Variants in ATP8A1 observed in about 807,000 individuals in gnomAD.
The protein encoded by ATP8A1 is phospholipid-transporting ATPase IA.
In ATP8A1, 90 loss-of-function variants were observed where a neutral mutation model predicts 177.7. The observed-to-expected ratio is 0.51, with a 90% confidence interval of 0.43 to 0.60. The LOEUF (loss-of-function observed/expected upper bound fraction) is 0.60, where lower values mean the gene tolerates loss of function less well. Among genes scored for constraint, ATP8A1 ranks in the 20% least tolerant of loss-of-function variants. The pLI is 0.00. For missense variants in ATP8A1, 1,072 were observed against 1,392.8 expected, an observed-to-expected ratio of 0.77 and a Z score of 3.67; for synonymous variants, 493 against 485.9, an observed-to-expected ratio of 1.01 and a Z score of -0.19.
At chr4:42,555,266 T>C (rs1274977042) in intron 16 of ATP8A1, among the ~76,000 whole-genome samples, 1 of 151,552 alleles carries the variant, frequency 6.6e-6, no homozygotes, top group Admixed American at 6.6e-5. Context: ...GATTTTCACA[T>C]TGGGTGGCAG....
At chr4:42,433,270 C>T (rs1487332909) in intron 33 of ATP8A1, among the ~76,000 whole-genome samples, 2 of 126,934 alleles carry the variant, frequency 1.6e-5, no homozygotes, top group Non-Finnish European at 3.4e-5. Context: ...ACAGCTTGGG[C>T]GTCCAGCGCT....
intron 24 of ATP8A1, among the ~76,000 whole-genome samples, chr4:42,493,559 C>T (rs566401878): frequency 9.5e-4 from 145 of 152,186 alleles, no homozygotes; most frequent in Non-Finnish European, 1.7e-3. Flanking sequence ...ATAAACTCTT[C>T]GCCAGAGTTA....
chr4:42,444,745 G>T, intron 31 of ATP8A1, 111 bp from the exon 32 acceptor site: 1 of 1,094,950 alleles, frequency 9.1e-7, no homozygotes, highest in Non-Finnish European at 1.3e-6. Context: ...GGGACTAGGA[G>T]ACTGCTGCTT....
chr4:42,540,637 G>A (rs544614249), intron 20 of ATP8A1, among the ~76,000 whole-genome samples: 1 of 151,888 alleles, frequency 6.6e-6, no homozygotes, highest in African/African-American at 2.4e-5. Flanking sequence ...TTGCAGCATC[G>A]TAGATGAAAC....
intron 4 of ATP8A1, among the ~76,000 whole-genome samples, chr4:42,622,627 A>C (rs892408617): frequency 7.2e-5 from 11 of 152,222 alleles, no homozygotes; most frequent in African/African-American, 2.4e-4. Context: ...AATGGGGGAA[A>C]ACACTTGCAA....
At chr4:42,640,419 G>A (rs1431279969) in intron 1 of ATP8A1, among the ~76,000 whole-genome samples, 2 of 152,206 alleles carry the variant, frequency 1.3e-5, no homozygotes, top group Non-Finnish European at 2.9e-5. Context: ...TGGCCAATGA[G>A]TTTGAGGCCA....
At chr4:42,491,108 CAT>C (rs1455230504) in intron 24 of ATP8A1, among the ~76,000 whole-genome samples, 1 of 151,806 alleles carries the variant, frequency 6.6e-6, no homozygotes, top group Non-Finnish European at 1.5e-5. Context: ...GTGCTTATCT[CAT>C]AGAGAAAATG....
At chr4:42,509,833 C>A (rs1414893479) in intron 22 of ATP8A1, among the ~76,000 whole-genome samples, 2 of 109,128 alleles carry the variant, frequency 1.8e-5, no homozygotes, top group Non-Finnish European at 1.7e-5. Flanking sequence ...GCCTGGGCAA[C>A]AGAGCGAGAC....
intron 1 of ATP8A1, among the ~76,000 whole-genome samples, chr4:42,651,110 G>T (rs1204861912): frequency 6.6e-6 from 1 of 152,138 alleles, no homozygotes; most frequent in African/African-American, 2.4e-5. Flanking sequence ...AGCTCTCTCT[G>T]CCTGCTGCCA....
At chr4:42,450,795 G>A (rs939203527) in intron 30 of ATP8A1, among the ~76,000 whole-genome samples, 4 of 152,208 alleles carry the variant, frequency 2.6e-5, no homozygotes, top group Admixed American at 1.3e-4. Context: ...TGAATGCAAC[G>A]AAACTACTAA....
rs189818157 is a variant in ATP8A1, at chr4:42,600,899, C to G, written c.410-381G>C. On this transcript the variant is annotated intron_variant, in intron 5 of 36. Transcript: ENST00000381668. ...AATGTTTAAAAAGAAAAATCACAAG[C>G]ACAGAATAATAGATTTCTAATAGTT... Among the ~76,000 whole-genome samples the G allele has an allele frequency of 2.6e-5, 4 of 152,128 alleles. No homozygotes were observed. In the East Asian group the frequency reaches 7.7e-4, roughly 29 times the overall value.
At chr4:42,447,170 A>AAACGTGG (rs1255216000) in intron 30 of ATP8A1, among the ~76,000 whole-genome samples, 1 of 152,168 alleles carries the variant, frequency 6.6e-6, no homozygotes, top group Non-Finnish European at 1.5e-5. Context: ...AATGACTAAC[A>AAACGTGG]AACGTGGCTT....
At chr4:42,648,682 A>C (rs1458202645) in intron 1 of ATP8A1, among the ~76,000 whole-genome samples, 3 of 152,180 alleles carry the variant, frequency 2.0e-5, no homozygotes, top group Non-Finnish European at 4.4e-5. Context: ...CATAAAAATT[A>C]ATTTACATAC....
At chr4:42,420,838 T>C (rs919571223) in intron 35 of ATP8A1, among the ~76,000 whole-genome samples, 31 of 151,284 alleles carry the variant, frequency 2.0e-4, no homozygotes, top group South Asian at 1.5e-3. Context: ...GCATGATCTC[T>C]GCTCACTGCA....
intron 33 of ATP8A1, among the ~76,000 whole-genome samples, chr4:42,430,677 T>G (rs1172663867): frequency 6.6e-6 from 1 of 152,070 alleles, no homozygotes; most frequent in African/African-American, 2.4e-5. Context: ...CCCCTCTACG[T>G]GTCCATGTGT....
rs1381363139 is a variant in ATP8A1 at position 42,590,731 on chromosome 4, A to C, written c.524+80T>G. 3 of 1,303,296 alleles carry C rather than the reference A, an allele frequency of 2.3e-6. No homozygotes were observed. In the East Asian group the frequency reaches 7.0e-5, roughly 30 times the overall value. 80.7% of individuals were successfully genotyped at this position (1,303,296 alleles called of 1,614,324 possible). ...TTTAAAGGAAGAGACACAGAACTCA[A>C]CCATATTTGGGTGCAACTGTTCTCC... On this transcript the variant is annotated intron_variant, in intron 7 of 36. Coordinates refer to ENST00000381668, the MANE Select transcript of ATP8A1 (RefSeq NM_006095.2).
At chr4:42,588,863 A>T (rs1371719993) in intron 7 of ATP8A1, among the ~76,000 whole-genome samples, 2 of 152,242 alleles carry the variant, frequency 1.3e-5, no homozygotes, top group Admixed American at 1.3e-4. Context: ...AAGGTTATTT[A>T]AAAAAAGTAA....
intron 4 of ATP8A1, among the ~76,000 whole-genome samples, chr4:42,622,923 C>T (rs1050045124): frequency 1.3e-5 from 2 of 151,380 alleles, no homozygotes; most frequent in African/African-American, 2.4e-5. Flanking sequence ...GCAGGAGAAT[C>T]GCTTGAACCT....
At chr4:42,615,583 G>A (rs990352645) in intron 5 of ATP8A1, among the ~76,000 whole-genome samples, 1 of 152,142 alleles carries the variant, frequency 6.6e-6, no homozygotes, top group African/African-American at 2.4e-5. Flanking sequence ...GAAGCAGGCC[G>A]GGTTGTATTT....
Sources: allele counts gnomAD v4.1 joint callset (sites outside exome capture counted in the v4.1 genomes callset), GRCh38; gene constraint gnomAD v4.1.1; transcripts MANE v1.5; gene names NCBI Gene and HGNC (gene_info 2026-07-23, HGNC 2026-07-21).